The following ADGRL3 variants were observed in gnomAD, a reference collection of about 807,000 sequenced individuals.
ADGRL3 encodes the protein calcium-independent alpha-latrotoxin receptor 3.
ADGRL3 carries 62 observed loss-of-function variants against 153.5 expected under a neutral mutation model. The observed-to-expected ratio is 0.40, with a 90% CI of 0.33 to 0.50. ADGRL3 has a LOEUF of 0.50. Ranked by LOEUF, ADGRL3 falls within the 20% of genes least tolerant of loss-of-function variation. The pLI, the probability that ADGRL3 is intolerant of heterozygous loss-of-function variation, is 0.47. For synonymous variants in ADGRL3, 710 were observed against 672.5 expected (o/e 1.06, Z -0.86); for missense variants, 1,641 against 1,859.4 (o/e 0.88, Z 2.16).
intron 1 of ADGRL3, among the ~76,000 whole-genome samples, chr4:61,313,247 T>G (rs1195626277): frequency 6.6e-6 from 1 of 151,978 alleles, no homozygotes; most frequent in African/African-American, 2.4e-5. Flanking sequence ...CATGGGGAGA[T>G]GAAGAAAGAT....
At chr4:61,579,684 T>G (rs1176794830) in intron 4 of ADGRL3, 3 of 451,326 alleles carry the variant, frequency 6.6e-6, no homozygotes, top group African/African-American at 6.3e-5. Flanking sequence ...TTCTATAAGT[T>G]CAGAAATTGT....
At chr4:61,597,214 T>A (rs1326568088) in intron 5 of ADGRL3, among the ~76,000 whole-genome samples, 1 of 152,106 alleles carries the variant, frequency 6.6e-6, no homozygotes. Flanking sequence ...GAGAAAGTAA[T>A]GCTTGGCAAA....
intron 1 of ADGRL3, among the ~76,000 whole-genome samples, chr4:61,332,701 A>G (rs1464478842): frequency 6.6e-6 from 1 of 152,172 alleles, no homozygotes; most frequent in Non-Finnish European, 1.5e-5. Flanking sequence ...GTCAAATACA[A>G]GGATGTTTGC....
intron 4 of ADGRL3, among the ~76,000 whole-genome samples, chr4:61,562,298 A>G (rs947131901): frequency 1.3e-5 from 2 of 152,118 alleles, no homozygotes; most frequent in African/African-American, 4.8e-5. Context: ...CTGATTAATC[A>G]GGGTGGTGGT....
Position 61,675,658 on chromosome 4 carries a change from T to TA in ADGRL3, c.474-1167dup, listed in dbSNP as rs201237088. ...GCTTAGAAAGTTTTATTTATTTATT[T>TA]ATTTATTTATTTATTTTTGTGGGAA... On this transcript the variant is annotated intron_variant, in intron 5 of 26. Coordinates refer to ENST00000683033, the MANE Select transcript of ADGRL3 (RefSeq NM_001387552.1). Among the ~76,000 whole-genome samples, 720 of 150,096 alleles carry TA rather than the reference T, an allele frequency of 4.8e-3. 3 individuals carry two copies. Among genetic ancestry groups the TA allele is most frequent in the African/African-American group, 0.016 (657 of 41,206 alleles).
chr4:61,227,213 T>G (rs994981064), intron 1 of ADGRL3, among the ~76,000 whole-genome samples: 18 of 152,136 alleles, frequency 1.2e-4, no homozygotes, highest in Non-Finnish European at 2.5e-4. Flanking sequence ...ACCTCACTTT[T>G]TTTTTCTTTT....
chr4:61,521,490 A>G (rs996329481), intron 4 of ADGRL3, among the ~76,000 whole-genome samples: 2 of 152,150 alleles, frequency 1.3e-5, no homozygotes, highest in Non-Finnish European at 2.9e-5. Context: ...GAATTAAGCA[A>G]GGAGTGACAC....
At chr4:61,233,559 A>G (rs535096631) in intron 1 of ADGRL3, among the ~76,000 whole-genome samples, 2 of 152,310 alleles carry the variant, frequency 1.3e-5, no homozygotes, top group African/African-American at 4.8e-5. Context: ...GTGACATTTG[A>G]ACAAAGAGTT....
At chr4:61,574,298 CATAA>C (rs1353921821) in intron 4 of ADGRL3, among the ~76,000 whole-genome samples, 2 of 151,954 alleles carry the variant, frequency 1.3e-5, no homozygotes, top group South Asian at 2.1e-4. Flanking sequence ...AGAAATCCAG[CATAA>C]ATAAATAGAA....
intron 2 of ADGRL3, among the ~76,000 whole-genome samples, chr4:61,429,811 G>A (rs1282922443): frequency 6.6e-6 from 1 of 152,078 alleles, no homozygotes; most frequent in African/African-American, 2.4e-5. Flanking sequence ...ACTTGGAAAT[G>A]AAGTAATTTT....
intron 8 of ADGRL3, among the ~76,000 whole-genome samples, chr4:61,769,424 G>T (rs2097053419): frequency 6.6e-6 from 1 of 152,042 alleles, no homozygotes; most frequent in Admixed American, 6.6e-5. Context: ...ATGTTTCTTG[G>T]GCTGGTCGGT....
At chr4:62,002,322 T>C (rs2099143291) in intron 21 of ADGRL3, among the ~76,000 whole-genome samples, 1 of 150,008 alleles carries the variant, frequency 6.7e-6, no homozygotes, top group African/African-American at 2.5e-5. Context: ...CTTCTAGATA[T>C]GCTCTCTTTT....
At chr4:61,737,089 A>G (rs376748673) in intron 8 of ADGRL3, among the ~76,000 whole-genome samples, 6 of 152,012 alleles carry the variant, frequency 3.9e-5, no homozygotes, top group Non-Finnish European at 5.9e-5. Context: ...TTTTTCCCCA[A>G]AGAAATTGCC....
chr4:61,366,152 T>A (rs2096392564), intron 1 of ADGRL3, among the ~76,000 whole-genome samples: 2 of 152,228 alleles, frequency 1.3e-5, no homozygotes, highest in Non-Finnish European at 1.5e-5. Flanking sequence ...AAAAAAGAAA[T>A]AATGGTCATT....
chr4:61,852,554 A>AT (rs1233566208), intron 9 of ADGRL3, among the ~76,000 whole-genome samples: 2 of 152,036 alleles, frequency 1.3e-5, no homozygotes, highest in Non-Finnish European at 2.9e-5. Flanking sequence ...ACCTCAAGCG[A>AT]TCCGCCCGCC....
intron 8 of ADGRL3, among the ~76,000 whole-genome samples, chr4:61,759,465 G>A (rs111571933): frequency 0.095 from 14,511 of 152,066 alleles, 1,300 homozygotes; most frequent in African/African-American, 0.24. Flanking sequence ...TGATCAGATC[G>A]ACTACGAGGC....
intron 5 of ADGRL3, among the ~76,000 whole-genome samples, chr4:61,636,851 A>G (rs1056931744): frequency 7.9e-5 from 12 of 151,630 alleles, no homozygotes; most frequent in Admixed American, 2.0e-4. Context: ...TTTGTTAAAC[A>G]CATTTGTCTG....
chr4:61,489,814 T>C (rs2098238328), intron 2 of ADGRL3, among the ~76,000 whole-genome samples: 1 of 152,110 alleles, frequency 6.6e-6, no homozygotes, highest in Non-Finnish European at 1.5e-5. Flanking sequence ...AGGAGCAATA[T>C]AGAGGATTAT....
intron 1 of ADGRL3, among the ~76,000 whole-genome samples, chr4:61,353,036 G>C (rs914703641): frequency 1.1e-4 from 16 of 152,232 alleles, no homozygotes; most frequent in Admixed American, 3.9e-4. Context: ...CTATGAAAGG[G>C]ATCTTTTTGG....
Sources: gnomAD v4.1 joint callset for allele counts (sites outside exome capture counted in the v4.1 genomes callset) on GRCh38, gnomAD v4.1.1 for gene constraint, MANE v1.5 for transcripts, NCBI Gene and HGNC (gene_info 2026-07-23, HGNC 2026-07-21) for gene names.